The following WDFY4 variants were observed in gnomAD, a reference collection of about 807,000 sequenced individuals.
WDFY4 encodes WD repeat- and FYVE domain-containing protein 4.
In WDFY4, 169 loss-of-function variants were observed where a neutral mutation model predicts 351.9. The ratio of observed to expected loss-of-function variants is 0.48; its 90% CI spans 0.42 to 0.55. WDFY4 has a LOEUF of 0.55. WDFY4 is among the 20% of genes least tolerant of loss of function. WDFY4 has a pLI of 0.00. For synonymous variants in WDFY4, 1,622 were observed against 1,574.6 expected (o/e 1.03, Z -0.71); for missense variants, 3,803 against 3,935.6 (o/e 0.97, Z 0.90).
chr10:48,738,638 G>A (rs866089242), intron 11 of WDFY4, among the ~76,000 whole-genome samples: 3 of 152,078 alleles, frequency 2.0e-5, no homozygotes, highest in Non-Finnish European at 4.4e-5. Context: ...GTGAAGGTTT[G>A]CTGGAATCAG....
intron 45 of WDFY4, among the ~76,000 whole-genome samples, chr10:48,898,272 T>G (rs1456925580): frequency 6.6e-6 from 1 of 151,756 alleles, no homozygotes; most frequent in Non-Finnish European, 1.5e-5. Context: ...GCAAAGGGAG[T>G]AGGGTAAACT....
Position 48,971,196 on chromosome 10 carries a change from A to C in WDFY4, c.8928+907A>C, listed in dbSNP as rs1468936856. Among the ~76,000 whole-genome samples, 4 of 152,198 alleles carry C rather than the reference A, an allele frequency of 2.6e-5. No individual in the cohort carries two copies. In the East Asian group the frequency reaches 7.7e-4, roughly 29 times the overall value. On this transcript the variant is annotated intron_variant, in intron 57 of 61. Coordinates refer to ENST00000325239, the MANE Select transcript of WDFY4 (RefSeq NM_001394531.1). ...TTTTTAGTTAGCCACAGAGCCCTAA[A>C]GTAATAGAAACAAAAATAAGCTGTA...
chr10:48,932,166 G>A (rs560983402), intron 47 of WDFY4, among the ~76,000 whole-genome samples: 2 of 152,326 alleles, frequency 1.3e-5, no homozygotes, highest in South Asian at 2.1e-4. Context: ...AAAATGTTAG[G>A]TGACCAGTGT....
At chr10:48,777,720 A>C (rs2066080363) in intron 17 of WDFY4, among the ~76,000 whole-genome samples, 13 of 152,244 alleles carry the variant, frequency 8.5e-5, no homozygotes, top group Admixed American at 8.5e-4. Context: ...ACTGCACTCC[A>C]ACCTGGGCTA....
At chr10:48,913,665 G>C in intron 47 of WDFY4, 3 of 1,613,758 alleles carry the variant, frequency 1.9e-6, no homozygotes, top group South Asian at 2.2e-5. Context: ...GGGGAGCTTG[G>C]AGATGCTCAC....
intron 1 of WDFY4, among the ~76,000 whole-genome samples, chr10:48,685,376 G>T (rs545946483): frequency 2.2e-4 from 33 of 152,352 alleles, no homozygotes; most frequent in South Asian, 6.2e-4. Context: ...TTTCCTGGTT[G>T]TCGAGGGGGC....
intron 9 of WDFY4, among the ~76,000 whole-genome samples, chr10:48,732,703 G>T (rs1259718489): frequency 6.6e-6 from 1 of 152,226 alleles, no homozygotes; most frequent in Admixed American, 6.5e-5. Context: ...ATTTTAACGA[G>T]GGAATCTCTG....
chr10:48,861,372 G>C (rs1458360654), intron 39 of WDFY4, among the ~76,000 whole-genome samples: 1 of 152,042 alleles, frequency 6.6e-6, no homozygotes, highest in Non-Finnish European at 1.5e-5. Flanking sequence ...TATTCTTATA[G>C]GGTAGCTTTG....
chr10:48,818,587 G>C (rs1274246224), intron 32 of WDFY4, among the ~76,000 whole-genome samples: 2 of 152,182 alleles, frequency 1.3e-5, no homozygotes, highest in Non-Finnish European at 2.9e-5. Flanking sequence ...TGAACTTCAT[G>C]CGATTAACAA....
chr10:48,698,631 C>T lies in WDFY4; in HGVS notation c.-17-11085C>T, dbSNP rs773598498. ...ACGGATTGAAGGTGTGGGGTTTATC[C>T]ACAACCCCAAATATGGCTCCTGCTT... On this transcript the variant is annotated intron_variant, in intron 1 of 61. Coordinates refer to ENST00000325239, the MANE Select transcript of WDFY4 (RefSeq NM_001394531.1). Among the ~76,000 whole-genome samples, 39 of 152,160 alleles carry T rather than the reference C, an allele frequency of 2.6e-4. 1 individual carries two copies. The highest frequency in any genetic ancestry group is 9.8e-4 in the Admixed American group (15 of 15,270).
intron 8 of WDFY4, 38 bp from the exon 9 acceptor site, chr10:48,731,072 G>T (rs772291447): frequency 5.4e-5 from 80 of 1,479,790 alleles, no homozygotes; most frequent in Non-Finnish European, 7.1e-5. Context: ...ACAGGCAGGA[G>T]AAATGACTTG....
intron 47 of WDFY4, chr10:48,910,117 C>T (rs377201986): frequency 1.8e-5 from 17 of 951,738 alleles, no homozygotes; most frequent in East Asian, 9.7e-5. Flanking sequence ...CCAGCTCCGG[C>T]GAGCCTGGTT....
At chr10:48,832,963 G>A (rs1310519269) in intron 39 of WDFY4, among the ~76,000 whole-genome samples, 1 of 152,186 alleles carries the variant, frequency 6.6e-6, no homozygotes, top group African/African-American at 2.4e-5. Flanking sequence ...AGCTAGGGGT[G>A]TGAGCCCAGC....
intron 2 of WDFY4, among the ~76,000 whole-genome samples, chr10:48,717,964 CAGGT>C (rs1309557583): frequency 1.3e-5 from 2 of 152,162 alleles, no homozygotes; most frequent in African/African-American, 4.8e-5. Context: ...TTTATTGGAT[CAGGT>C]TAAACCCTTC....
chr10:48,876,713 G>A (rs2070026414), intron 42 of WDFY4, among the ~76,000 whole-genome samples: 1 of 152,214 alleles, frequency 6.6e-6, no homozygotes, highest in African/African-American at 2.4e-5. Flanking sequence ...GGCCTCTGAG[G>A]AGTTGCTTTA....
At chr10:48,929,126 T>C (rs373205971) in intron 47 of WDFY4, among the ~76,000 whole-genome samples, 1 of 151,732 alleles carries the variant, frequency 6.6e-6, no homozygotes, top group South Asian at 2.1e-4. Flanking sequence ...TGAGCAGAGA[T>C]CAGAGGAAGT....
At position 48,769,463 on chromosome 10, in the gene WDFY4, G is replaced by T. The variant is rs145789273; in HGVS notation, c.2554-4995G>T. On this transcript the variant is annotated intron_variant, in intron 13 of 61. Coordinates refer to ENST00000325239, the MANE Select transcript of WDFY4 (RefSeq NM_001394531.1). Reference sequence around the variant, plus strand: ...TGATAAAGAGCTTAAGTCACTTAAAGTCTATCATCTCTCTTCAAAATCATG... The same window carrying T: ...TGATAAAGAGCTTAAGTCACTTAAATTCTATCATCTCTCTTCAAAATCATG... Among the ~76,000 whole-genome samples the T allele has an allele frequency of 6.2e-3, 942 of 152,290 alleles. 10 individuals carry two copies. Among genetic ancestry groups the T allele is most frequent in the African/African-American group, 0.022 (913 of 41,548 alleles).
At chr10:48,877,335 A>G in intron 43 of WDFY4, 136 bp downstream of exon 43, 1 of 861,772 alleles carries the variant, frequency 1.2e-6, no homozygotes, top group South Asian at 1.9e-5. Flanking sequence ...CAACACAATA[A>G]TCAGTGAAAA....
At chr10:48,886,564 C>T (rs550410399) in intron 43 of WDFY4, among the ~76,000 whole-genome samples, 2 of 152,296 alleles carry the variant, frequency 1.3e-5, no homozygotes, top group South Asian at 4.1e-4. Flanking sequence ...CTTGCATGCT[C>T]ACTTCCAGCT....
Sources: allele counts gnomAD v4.1 joint callset (sites outside exome capture counted in the v4.1 genomes callset), GRCh38; gene constraint gnomAD v4.1.1; transcripts MANE v1.5; gene names NCBI Gene and HGNC (gene_info 2026-07-23, HGNC 2026-07-21).